Variants in ABCA10 observed in about 807,000 individuals in gnomAD.
The protein encoded by ABCA10 is ATP-binding cassette sub-family A member 10.
In ABCA10, 169 loss-of-function variants were observed where a neutral mutation model predicts 187.5. That is an observed-to-expected ratio of 0.90 (90% CI 0.80 to 1.02). The LOEUF (loss-of-function observed/expected upper bound fraction) is 1.02. ABCA10 is among the 50% of genes least tolerant of loss of function. The probability of loss-of-function intolerance (pLI) is 0.00; values close to 1 mark genes in which losing one functional copy is unlikely to be tolerated. For synonymous variants in ABCA10, 574 were observed against 601.8 expected (o/e 0.95, Z 0.68); for missense variants, 1,727 against 1,812.4 (o/e 0.95, Z 0.86).
chr17:69,175,452 T>C lies in ABCA10; in HGVS notation c.2831A>G (p.Asn944Ser), dbSNP rs142756776. The C allele has an allele frequency of 3.2e-4, 511 of 1,612,270 alleles. 1 individual carries two copies. The highest frequency in any genetic ancestry group is 4.1e-4 in the Non-Finnish European group (482 of 1,178,834). ...DGSIFLLLIT[N>S]CVSPFIGMSS... Reference sequence around the variant, plus strand: ...CATGCCGATAAAAGGAGAAACGCAGTTTGTGATCAACAACAAAAATATGGA... The same window carrying C: ...CATGCCGATAAAAGGAGAAACGCAGCTTGTGATCAACAACAAAAATATGGA... The change falls in exon 23 of 39, where the codon AAC (asparagine) becomes AGC (serine). Residue 944 changes from asparagine (N) to serine (S), a missense_variant. Transcript: ENST00000690296.
intron 27 of ABCA10, among the ~76,000 whole-genome samples, chr17:69,163,727 TTCC>T (rs1358797424): frequency 2.0e-5 from 3 of 152,178 alleles, no homozygotes; most frequent in East Asian, 1.9e-4. Context: ...TCTTTCTCCT[TTCC>T]TCCTCATTAT....
intron 22 of ABCA10, among the ~76,000 whole-genome samples, chr17:69,177,967 A>ATATATAT (rs1472912673): frequency 6.4e-5 from 5 of 78,666 alleles, no homozygotes; most frequent in African/African-American, 1.6e-4. Context: ...AAAAAAAAAA[A>ATATATAT]AAAAAAATAT....
At chr17:69,195,905 G>C (rs1333162218) in intron 11 of ABCA10, among the ~76,000 whole-genome samples, 2 of 152,130 alleles carry the variant, frequency 1.3e-5, no homozygotes, top group African/African-American at 4.8e-5. Flanking sequence ...CGCATCCCAA[G>C]GCAGAAGAAT....
At chr17:69,152,826 A>C (rs1053773209) in intron 34 of ABCA10, among the ~76,000 whole-genome samples, 1 of 152,026 alleles carries the variant, frequency 6.6e-6, no homozygotes, top group African/African-American at 2.4e-5. Flanking sequence ...AAATAAATAA[A>C]TAAATAGGCT....
chr17:69,152,020 C>T (rs1471222770), intron 36 of ABCA10, 23 bp downstream of exon 36: 1 of 1,598,928 alleles, frequency 6.3e-7, no homozygotes, highest in South Asian at 1.1e-5. Context: ...ATACTTGTCA[C>T]TCAAACCGAA....
chr17:69,151,665 C>T lies in ABCA10; in HGVS notation c.4397+378G>A, dbSNP rs927914737. ...TTCTCAAGCATGGAAGTCTGTGTTACGGAGCTCTTGATGCAATTTATATTC... is the reference window on the plus strand; with the variant it reads ...TTCTCAAGCATGGAAGTCTGTGTTATGGAGCTCTTGATGCAATTTATATTC... On this transcript the variant is annotated intron_variant, in intron 36 of 38. Transcript: ENST00000690296. Among the ~76,000 whole-genome samples the T allele has an allele frequency of 4.6e-5, 7 of 152,218 alleles. No individual in the cohort carries two copies. In the South Asian group the frequency reaches 8.3e-4, roughly 18 times the overall value.
chr17:69,175,879 A>ACC, intron 22 of ABCA10: 1 of 158,132 alleles, frequency 6.3e-6, no homozygotes, highest in South Asian at 1.9e-4. Context: ...GGTAACATAT[A>ACC]CAGTGTGGAC....
intron 27 of ABCA10, among the ~76,000 whole-genome samples, chr17:69,163,205 G>C (rs1161318678): frequency 6.6e-6 from 1 of 152,032 alleles, no homozygotes; most frequent in African/African-American, 2.4e-5. Context: ...GTCCCATCTT[G>C]TCTAATGTTC....
chr17:69,170,391 T>A (rs576787341), intron 25 of ABCA10, among the ~76,000 whole-genome samples: 10 of 151,518 alleles, frequency 6.6e-5, no homozygotes, highest in Non-Finnish European at 1.5e-4. Flanking sequence ...CATTCCTTTT[T>A]GTCTTCTTAC....
chr17:69,211,348 TATATATATATATAC>T lies in ABCA10; in HGVS notation c.1006+3342_1006+3355del, dbSNP rs1186549175. On this transcript the variant is annotated intron_variant, in intron 9 of 38. Transcript: ENST00000690296. Reference sequence around the variant, plus strand: ...ATATATATATATATATATATATATATATATATATATATACACACACACCACATTTTCTTTATCCA... The same window carrying T: ...ATATATATATATATATATATATATATACACACACCACATTTTCTTTATCCA... Among the ~76,000 whole-genome samples, 171 of 23,730 alleles carry T rather than the reference TATATATATATATAC, an allele frequency of 7.2e-3. 7 individuals carry two copies. The highest frequency in any genetic ancestry group is 0.014 in the South Asian group (12 of 886). The allele number at this position is 23,730 out of a possible 152,430, so 15.6% of individuals were successfully genotyped here. A position where few individuals can be genotyped will look rare whatever the true frequency, so the allele number is the denominator to read the frequency against.
chr17:69,195,480 C>T (rs1012815273), intron 11 of ABCA10, among the ~76,000 whole-genome samples: 1 of 149,020 alleles, frequency 6.7e-6, no homozygotes, highest in Non-Finnish European at 1.5e-5. Context: ...TAATTTTCCA[C>T]AATAATGATA....
At chr17:69,182,361 T>C (rs2074386493) in intron 21 of ABCA10, 71 bp from the exon 22 acceptor site, 1 of 1,197,322 alleles carries the variant, frequency 8.4e-7, no homozygotes, top group Admixed American at 3.6e-5. Context: ...ACTTTGTATA[T>C]TACCAGAGTG....
At chr17:69,213,934 G>A (rs1288020343) in intron 9 of ABCA10, among the ~76,000 whole-genome samples, 1 of 152,160 alleles carries the variant, frequency 6.6e-6, no homozygotes, top group Non-Finnish European at 1.5e-5. Flanking sequence ...AAAAGGGAGA[G>A]AATAAGAAAT....
intron 25 of ABCA10, among the ~76,000 whole-genome samples, chr17:69,171,567 G>A (rs1191939765): frequency 2.0e-5 from 3 of 152,176 alleles, no homozygotes; most frequent in African/African-American, 7.2e-5. Flanking sequence ...GGTATTGGCT[G>A]AGAATTTTCC....
intron 34 of ABCA10, 119 bp from the exon 35 acceptor site, chr17:69,152,600 A>G: frequency 7.2e-7 from 1 of 1,380,022 alleles, no homozygotes; most frequent in East Asian, 2.5e-5. Flanking sequence ...AACCTGTGCA[A>G]CATGGTGAAA....
chr17:69,207,324 A>G (rs972150505), intron 9 of ABCA10, among the ~76,000 whole-genome samples: 4 of 152,202 alleles, frequency 2.6e-5, no homozygotes, highest in African/African-American at 9.7e-5. Flanking sequence ...TATGAAAAAT[A>G]TGATGAAGGT....
At chr17:69,241,012 C>G (rs974867610) in intron 1 of ABCA10, among the ~76,000 whole-genome samples, 7 of 152,194 alleles carry the variant, frequency 4.6e-5, no homozygotes, top group African/African-American at 1.7e-4. Context: ...GTATTTATTT[C>G]CTTTGCTCAC....
intron 9 of ABCA10, among the ~76,000 whole-genome samples, chr17:69,213,055 TG>T (rs1348997222): frequency 6.6e-6 from 1 of 152,238 alleles, no homozygotes; most frequent in African/African-American, 2.4e-5. Context: ...TCAGGACCTC[TG>T]GTTAGCCAGG....
intron 25 of ABCA10, 42 bp from the exon 26 acceptor site, chr17:69,165,125 T>A (rs1333455782): frequency 7.0e-7 from 1 of 1,438,796 alleles, no homozygotes; most frequent in African/African-American, 1.4e-5. Context: ...CTCAGTTATA[T>A]TTGATATCTT....
Sources: allele counts gnomAD v4.1 joint callset (sites outside exome capture counted in the v4.1 genomes callset), GRCh38; gene constraint gnomAD v4.1.1; transcripts MANE v1.5; gene names NCBI Gene and HGNC (gene_info 2026-07-23, HGNC 2026-07-21).